The following DTNA variants were observed in gnomAD, a reference collection of about 807,000 sequenced individuals.
DTNA encodes the protein dystrobrevin alpha, also known as dystrophin-related protein 3.
Under a neutral mutation model 100.7 loss-of-function variants are expected in DTNA, and 43 were observed. That is an observed-to-expected ratio of 0.43 (90% CI 0.33 to 0.55). The LOEUF is 0.55. Among genes scored for constraint, DTNA ranks in the 20% least tolerant of loss-of-function variants. The pLI, the probability that DTNA is intolerant of heterozygous loss-of-function variation, is 0.04. For missense variants in DTNA, 798 were observed against 953.9 expected (o/e 0.84, Z 2.15); for synonymous variants, 349 against 347.9 (o/e 1.00, Z -0.04).
chr18:34,748,393 T>C (rs1418140592), intron 1 of DTNA, among the ~76,000 whole-genome samples: 1 of 152,176 alleles, frequency 6.6e-6, no homozygotes, highest in African/African-American at 2.4e-5. Flanking sequence ...GGTTAAAGTC[T>C]AGAAGAGTTT....
At chr18:34,494,191 GT>G (rs1275936667) in intron 1 of DTNA, among the ~76,000 whole-genome samples, 3 of 152,060 alleles carry the variant, frequency 2.0e-5, no homozygotes, top group Admixed American at 2.0e-4. Context: ...CTGGTGGGAG[GT>G]GGAGTGTCTA....
chr18:34,503,280 T>C (rs1204751145), intron 1 of DTNA, among the ~76,000 whole-genome samples: 1 of 15,764 alleles, frequency 6.3e-5, no homozygotes, highest in African/African-American at 2.1e-4. Context: ...AATTGGCTCA[T>C]TTTTTTTTTT....
intron 1 of DTNA, among the ~76,000 whole-genome samples, chr18:34,547,810 T>G (rs1427325199): frequency 6.6e-6 from 1 of 152,170 alleles, no homozygotes; most frequent in African/African-American, 2.4e-5. Context: ...AGGAGAAGAC[T>G]ATTGGATATT....
chr18:34,876,644 C>A (rs373912251), intron 18 of DTNA, among the ~76,000 whole-genome samples: 6 of 152,094 alleles, frequency 3.9e-5, no homozygotes, highest in Admixed American at 3.9e-4. Flanking sequence ...AGCAAAAGTG[C>A]GAGGAAAAAG....
At chr18:34,844,551 A>G (rs1293465460) in intron 13 of DTNA, among the ~76,000 whole-genome samples, 1 of 92,158 alleles carries the variant, frequency 1.1e-5, no homozygotes, top group Non-Finnish European at 2.4e-5. Flanking sequence ...CTTCCATTTG[A>G]GTTAACTAAT....
intron 9 of DTNA, among the ~76,000 whole-genome samples, chr18:34,826,626 A>G (rs529486674): frequency 7.2e-5 from 11 of 152,146 alleles, no homozygotes; most frequent in Admixed American, 2.0e-4. Flanking sequence ...CATCTTCAAA[A>G]CGTTCTATAC....
intron 16 of DTNA, among the ~76,000 whole-genome samples, chr18:34,860,837 A>G (rs2096615263): frequency 6.6e-6 from 1 of 152,184 alleles, no homozygotes; most frequent in African/African-American, 2.4e-5. Flanking sequence ...CTAACTCTAC[A>G]TACACTGTCC....
At position 34,887,891 on chromosome 18, in the gene DTNA, ACC is replaced by A; in HGVS notation, c.*159_*160del. ...CCTCACCGAAGAGAGGAACCACCAC[ACC>A]CAGCAGCTCCTGACAGACCCCCACC... is the stretch of plus-strand genomic sequence containing the variant. On this transcript the variant is annotated 3_prime_UTR_variant, in exon 23 of 23. Transcript: ENST00000444659. 1 of 986,768 alleles carries A rather than the reference ACC, an allele frequency of 1.0e-6. No individual in the cohort carries two copies. The highest frequency in any genetic ancestry group is 1.2e-6 in the Non-Finnish European group (1 of 830,312). The allele number at this position is 986,768 out of a possible 1,614,324, so 61.1% of individuals were successfully genotyped here.
At chr18:34,524,056 A>ATATT (rs1337867294) in intron 1 of DTNA, among the ~76,000 whole-genome samples, 1 of 152,186 alleles carries the variant, frequency 6.6e-6, no homozygotes, top group Non-Finnish European at 1.5e-5. Context: ...TTGAGTAAAC[A>ATATT]TGAAGATGGT....
rs185345805 is a variant in DTNA at position 34,774,759 on chromosome 18, G to T, written c.148+8718G>T. 3.3e-3 allele frequency among the ~76,000 whole-genome samples: 500 copies of T among 152,274 alleles called. 4 individuals are homozygous for T. The highest frequency in any genetic ancestry group is 0.011 in the African/African-American group (467 of 41,560). ...CGAAGAGTAAAGCAAAAGAGAGATA[G>T]AAGTTGGTAATAGAAAAGTGGAAGA... is the stretch of plus-strand genomic sequence containing the variant. On this transcript the variant is annotated intron_variant, in intron 3 of 22. Transcript: ENST00000444659.
chr18:34,684,550 A>G (rs559887842), intron 1 of DTNA, among the ~76,000 whole-genome samples: 3 of 152,236 alleles, frequency 2.0e-5, no homozygotes, highest in South Asian at 2.1e-4. Flanking sequence ...TCTAACATTT[A>G]TGGGCATTTG....
intron 1 of DTNA, among the ~76,000 whole-genome samples, chr18:34,697,648 G>T (rs577852747): frequency 2.6e-5 from 4 of 152,266 alleles, no homozygotes; most frequent in African/African-American, 9.6e-5. Flanking sequence ...TGCAGAAAAG[G>T]CCTAATTGTG....
intron 1 of DTNA, among the ~76,000 whole-genome samples, chr18:34,526,259 C>A (rs987250477): frequency 2.6e-5 from 4 of 152,110 alleles, no homozygotes; most frequent in African/African-American, 9.7e-5. Flanking sequence ...TGACCTTTGT[C>A]TTCTGCAGTA....
At chr18:34,723,626 C>T (rs866956452) in intron 1 of DTNA, among the ~76,000 whole-genome samples, 14 of 152,102 alleles carry the variant, frequency 9.2e-5, no homozygotes, top group Admixed American at 3.9e-4. Context: ...GGGCCAGGCA[C>T]GGTGGCTCAG....
chr18:34,699,234 A>T (rs894039208), intron 1 of DTNA, among the ~76,000 whole-genome samples: 34 of 152,000 alleles, frequency 2.2e-4, no homozygotes, highest in Non-Finnish European at 2.9e-5. Flanking sequence ...GAGGCTGAGA[A>T]GTCTCCAGGT....
chr18:34,744,853 T>C (rs950381201), intron 1 of DTNA, among the ~76,000 whole-genome samples: 2 of 152,166 alleles, frequency 1.3e-5, no homozygotes, highest in African/African-American at 4.8e-5. Flanking sequence ...ACAGGGCAGT[T>C]CCTTTGAGTC....
chr18:34,593,130 G>A (rs971265769), intron 1 of DTNA, among the ~76,000 whole-genome samples: 2 of 152,140 alleles, frequency 1.3e-5, no homozygotes, highest in Non-Finnish European at 2.9e-5. Flanking sequence ...CGTAATATCC[G>A]TCAATGAAAG....
At chr18:34,630,369 C>G (rs56211209) in intron 1 of DTNA, among the ~76,000 whole-genome samples, 54 of 152,270 alleles carry the variant, frequency 3.5e-4, no homozygotes, top group Non-Finnish European at 6.9e-4. Flanking sequence ...ATAACTGATA[C>G]TAACTCTAAG....
At position 34,825,233 on chromosome 18, in the gene DTNA, G is replaced by A. The variant is rs116547121; in HGVS notation, c.1002-2360G>A. Reference sequence around the variant, plus strand: ...CTTGTAAATATTACCATGATTAACGGTCTCTATTCTGTTCAATTCTTCGCT... The same window carrying A: ...CTTGTAAATATTACCATGATTAACGATCTCTATTCTGTTCAATTCTTCGCT... On this transcript the variant is annotated intron_variant, in intron 9 of 22. Transcript: ENST00000444659. The A allele has an allele frequency of 1.6e-3, 2,594 of 1,612,930 alleles. 46 individuals carry two copies. The African/African-American group carries it at 0.029, about 18-fold the overall frequency.
Sources: allele counts gnomAD v4.1 joint callset (sites outside exome capture counted in the v4.1 genomes callset), GRCh38; gene constraint gnomAD v4.1.1; transcripts MANE v1.5; gene names NCBI Gene and HGNC (gene_info 2026-07-23, HGNC 2026-07-21).